The following SPATA9 variants were observed in gnomAD, a reference collection of about 807,000 sequenced individuals.
The protein encoded by SPATA9 is spermatogenesis associated 9.
SPATA9 carries 27 observed loss-of-function variants against 25.5 expected under a neutral mutation model. The ratio of observed to expected loss-of-function variants is 1.06; its 90% CI spans 0.78 to 1.46. The LOEUF (loss-of-function observed/expected upper bound fraction) is 1.46, where lower values mean the gene tolerates loss of function less well. SPATA9 is among the 40% of genes most tolerant of loss of function. The pLI is 0.00. For missense variants in SPATA9, 282 were observed against 297.5 expected (o/e 0.95, Z 0.38); for synonymous variants, 102 against 105.7 (o/e 0.97, Z 0.21).
downstream of SPATA9, chr5:95,652,636 C>A: frequency 3.2e-6 from 1 of 309,052 alleles, no homozygotes; most frequent in Admixed American, 4.5e-5. Context: ...GTTCATCAAC[C>A]CAACTTCTCT....
chr5:95,684,054 G>A (rs1350906583), upstream of SPATA9, among the ~76,000 whole-genome samples: 1 of 151,926 alleles, frequency 6.6e-6, no homozygotes, highest in Non-Finnish European at 1.5e-5. Flanking sequence ...CAGCTCTCAT[G>A]GTGTTCTTAG....
Position 95,682,615 on chromosome 5 carries a change from G to A in SPATA9, c.63C>T (p.Ile21=), listed in dbSNP as rs200330491. ...GQVLKNFSGR[I]EGIQKAIMDL... is the part of the protein sequence containing the mutation. ...CCATGATTGCTTTCTGGATCCCCTCGACTAAGACAAAAAGAGGTTAGGAAA... is the reference window on the plus strand; with the variant it reads ...CCATGATTGCTTTCTGGATCCCCTCAACTAAGACAAAAAGAGGTTAGGAAA... Residue 21 remains isoleucine (I), a splice_region_variant and synonymous_variant, in exon 2 of 5, where the codon ATC becomes ATT. Coordinates refer to ENST00000274432, the MANE Select transcript of SPATA9 (RefSeq NM_031952.4). 86 of 1,609,134 alleles carry A rather than the reference G, an allele frequency of 5.3e-5. No individual in the cohort carries two copies. Among genetic ancestry groups the A allele is most frequent in the Middle Eastern group, 1.7e-4 (1 of 6,040 alleles).
At chr5:95,659,674 G>A (rs1390852558) in intron 4 of SPATA9, 1 of 152,090 alleles carries the variant, frequency 6.6e-6, no homozygotes, top group African/African-American at 2.4e-5. Flanking sequence ...AAGGTTTTCC[G>A]AAAGAGGTAA....
chr5:95,666,544 A>G (rs1561399329), intron 3 of SPATA9, among the ~76,000 whole-genome samples: 1 of 152,246 alleles, frequency 6.6e-6, no homozygotes, highest in Non-Finnish European at 1.5e-5. Context: ...GGACATTAAT[A>G]GTCCCTTATT....
chr5:95,678,232 T>A (rs942703149), intron 2 of SPATA9, among the ~76,000 whole-genome samples: 1 of 151,834 alleles, frequency 6.6e-6, no homozygotes, highest in Non-Finnish European at 1.5e-5. Flanking sequence ...CAAAAATTAA[T>A]CCAGCATGGT....
upstream of SPATA9, among the ~76,000 whole-genome samples, chr5:95,700,165 C>T (rs1056764761): frequency 7.2e-5 from 11 of 152,102 alleles, no homozygotes; most frequent in Non-Finnish European, 2.9e-5. Flanking sequence ...TTCTAACCAC[C>T]TATAGTTTAT....
chr5:95,658,555 T>C lies in SPATA9; in HGVS notation c.*68A>G. ...AATTCAGAATATGTAAACTAGACTC[T>C]GAGTTTTGTCAGATGAAATGTGCCA... On this transcript the variant is annotated 3_prime_UTR_variant, in exon 5 of 5. Coordinates refer to ENST00000274432, the MANE Select transcript of SPATA9 (RefSeq NM_031952.4). The C allele has an allele frequency of 6.6e-7, 1 of 1,512,032 alleles. No individual in the cohort carries two copies. Among genetic ancestry groups the C allele is most frequent in the Admixed American group, 2.3e-5 (1 of 43,812 alleles). The allele number at this position is 1,512,032 out of a possible 1,614,324, so 93.7% of individuals were successfully genotyped here.
At chr5:95,668,349 T>G (rs1752030153) in intron 3 of SPATA9, among the ~76,000 whole-genome samples, 1 of 152,238 alleles carries the variant, frequency 6.6e-6, no homozygotes, top group African/African-American at 2.4e-5. Flanking sequence ...TTTTTATTCC[T>G]GTAACAAGAA....
intron 1 of SPATA9, among the ~76,000 whole-genome samples, chr5:95,692,787 G>A (rs1260800850): frequency 1.3e-5 from 2 of 151,932 alleles, no homozygotes; most frequent in Admixed American, 1.3e-4. Flanking sequence ...TTGACTTTTA[G>A]ATCAGAGAAT....
chr5:95,720,765 A>G, the SPATA9 span, among the ~76,000 whole-genome samples: 1 of 152,182 alleles, frequency 6.6e-6, no homozygotes, highest in South Asian at 2.1e-4. Context: ...ATGATTCTGA[A>G]GAGTTAGACA....
At chr5:95,652,998 G>A in exon 9 of SPATA9, 1 of 1,366,058 alleles carries the variant, frequency 7.3e-7, no homozygotes, top group Non-Finnish European at 9.9e-7. Context: ...TCCATACACA[G>A]CACTGCACAA....
At chr5:95,681,562 C>G (rs1244473719) in intron 2 of SPATA9, among the ~76,000 whole-genome samples, 1 of 152,178 alleles carries the variant, frequency 6.6e-6, no homozygotes, top group Non-Finnish European at 1.5e-5. Flanking sequence ...CTTTACAACT[C>G]TATCTCCATT....
the SPATA9 span, chr5:95,731,230 A>AC: frequency 2.0e-5 from 20 of 1,002,156 alleles, no homozygotes; most frequent in East Asian, 3.3e-4. Flanking sequence ...CATCCGCCCG[A>AC]CCCCCGGGGC....
intron 1 of SPATA9, among the ~76,000 whole-genome samples, chr5:95,688,819 C>G (rs934571849): frequency 6.6e-6 from 1 of 152,040 alleles, no homozygotes; most frequent in African/African-American, 2.4e-5. Context: ...TTCACCACTT[C>G]ACAACATATC....
At chr5:95,668,292 ATTGT>A (rs1752022936) in intron 3 of SPATA9, among the ~76,000 whole-genome samples, 1 of 152,200 alleles carries the variant, frequency 6.6e-6, no homozygotes, top group African/African-American at 2.4e-5. Flanking sequence ...TAATCTTTAT[ATTGT>A]TTAAGGGTCA....
In SPATA9 at chr5:95,697,628, T is replaced by A. The variant is rs890208821; in HGVS notation, n.124+960A>T. Among the ~76,000 whole-genome samples, 6 of 152,340 alleles carry A rather than the reference T, an allele frequency of 3.9e-5. No individual in the cohort carries two copies. In the East Asian group the frequency reaches 5.8e-4, roughly 15 times the overall value. ...GTAGGGCGCTGTATTGAAGAATGTG[T>A]AGCCACAGCTACAAAACCACCACAA... On this transcript the variant is annotated intron_variant and non_coding_transcript_variant, in intron 1 of 2. Coordinates refer to the SPATA9 transcript ENST00000379990.
chr5:95,703,398 C>A (rs1754221294), upstream of SPATA9, among the ~76,000 whole-genome samples: 1 of 152,152 alleles, frequency 6.6e-6, no homozygotes, highest in African/African-American at 2.4e-5. Context: ...CTTTTGGAGG[C>A]CGAGACAGGT....
chr5:95,659,661 TAGA>T (rs1288828678), intron 4 of SPATA9: 1 of 152,144 alleles, frequency 6.6e-6, no homozygotes, highest in Non-Finnish European at 1.5e-5. Flanking sequence ...TATAAACACT[TAGA>T]AGGTTTTCCG....
the SPATA9 span, among the ~76,000 whole-genome samples, chr5:95,707,406 C>A: frequency 2.0e-5 from 3 of 151,922 alleles, no homozygotes; most frequent in Admixed American, 2.0e-4. Flanking sequence ...AGCCGGCGAC[C>A]GAGAGACGGC....
Sources: allele counts gnomAD v4.1 joint callset (sites outside exome capture counted in the v4.1 genomes callset), GRCh38; gene constraint gnomAD v4.1.1; transcripts MANE v1.5; gene names NCBI Gene and HGNC (gene_info 2026-07-23, HGNC 2026-07-21).